Variants in PIEZO2 observed in about 807,000 individuals in gnomAD.
PIEZO2 encodes piezo type mechanosensitive ion channel component 2.
A neutral mutation model predicts 337.3 loss-of-function variants in PIEZO2; 172 were observed. The observed-to-expected ratio is 0.51, with a 90% confidence interval of 0.45 to 0.58. PIEZO2 has a LOEUF of 0.58. PIEZO2 is among the 20% of genes least tolerant of loss of function. The pLI, the probability that PIEZO2 is intolerant of heterozygous loss-of-function variation, is 0.00. For missense variants in PIEZO2, 3,028 were observed against 3,391.3 expected (o/e 0.89, Z 2.66); for synonymous variants, 1,251 against 1,228.5 (o/e 1.02, Z -0.38).
At chr18:10,810,497 C>T (rs118079439) in intron 7 of PIEZO2, among the ~76,000 whole-genome samples, 2,615 of 152,262 alleles carry the variant, frequency 0.017, 34 homozygotes, top group Non-Finnish European at 0.027. Flanking sequence ...ATGTTCTCTA[C>T]GCCACCCTCC....
chr18:10,867,707 A>T (rs1489448025), intron 5 of PIEZO2, among the ~76,000 whole-genome samples: 3 of 152,218 alleles, frequency 2.0e-5, no homozygotes, highest in African/African-American at 7.2e-5. Flanking sequence ...AATTGTAAGC[A>T]TAGGATTATA....
intron 2 of PIEZO2, among the ~76,000 whole-genome samples, chr18:11,034,019 T>C (rs1358466396): frequency 6.6e-6 from 1 of 152,168 alleles, no homozygotes; most frequent in Admixed American, 6.5e-5. Flanking sequence ...CGACAGTCTT[T>C]AAAAGTCCAA....
intron 5 of PIEZO2, among the ~76,000 whole-genome samples, chr18:10,865,189 AC>A (rs2041973650): frequency 1.3e-5 from 2 of 152,206 alleles, no homozygotes; most frequent in African/African-American, 4.8e-5. Context: ...ATGTGGCCAA[AC>A]CATGCAGAGT....
chr18:10,812,920 C>A (rs150612395), intron 7 of PIEZO2, among the ~76,000 whole-genome samples: 7 of 152,196 alleles, frequency 4.6e-5, no homozygotes, highest in South Asian at 2.1e-4. Flanking sequence ...CTGAAAATAG[C>A]AGCACACTTA....
chr18:10,886,390 A>ATGTGTGTGTGTGTGTG (rs2042597345), intron 4 of PIEZO2, among the ~76,000 whole-genome samples: 1 of 53,676 alleles, frequency 1.9e-5, no homozygotes, highest in Non-Finnish European at 3.0e-5. Flanking sequence ...GTATATATAT[A>ATGTGTGTGTGTGTGTG]TATATATATA....
rs1174169495 is a variant in PIEZO2, at chr18:10,821,753, T to A, written c.918-14479A>T. Among the ~76,000 whole-genome samples the A allele has an allele frequency of 6.6e-6, 1 of 152,300 alleles. No homozygotes were observed. Among genetic ancestry groups the A allele is most frequent in the Middle Eastern group, 3.4e-3 (1 of 294 alleles). The stretch of plus-strand genomic sequence containing the variant: ...TCCCTGTCTCTCACCATTTACAACA[T>A]AGACCTCAGGTGAACATACATCCTC... On this transcript the variant is annotated intron_variant, in intron 7 of 55. Coordinates refer to ENST00000674853, the MANE Select transcript of PIEZO2 (RefSeq NM_001378183.1). The surrounding 1 kb of genome is among the most constrained non-coding windows in gnomAD (Gnocchi z 4.2).
chr18:11,068,749 G>T (rs1477296186), intron 1 of PIEZO2, among the ~76,000 whole-genome samples: 1 of 152,106 alleles, frequency 6.6e-6, no homozygotes, highest in Non-Finnish European at 1.5e-5. Context: ...CTATGAGTTG[G>T]TTTTTTGAAA....
chr18:11,068,054 T>C (rs1394929499), intron 1 of PIEZO2, among the ~76,000 whole-genome samples: 1 of 152,182 alleles, frequency 6.6e-6, no homozygotes, highest in Non-Finnish European at 1.5e-5. Flanking sequence ...CCCGAGTAAC[T>C]GGGACTGCAG....
In PIEZO2 at chr18:11,097,375, C is replaced by G. The variant is rs1284580643; in HGVS notation, c.65-31153G>C. ...CAATGGCAAAGTCTCACGACTGCAA[C>G]AGAGCCGGCGTGCTGTGCAACGCCT... is the stretch of plus-strand genomic sequence containing the variant. On this transcript the variant is annotated intron_variant, in intron 1 of 55. Coordinates refer to ENST00000674853, the MANE Select transcript of PIEZO2 (RefSeq NM_001378183.1). This position sits in a 1 kb window ranked among gnomAD's most constrained non-coding sequence, Gnocchi z 5.0. Among the ~76,000 whole-genome samples, 4 of 152,208 alleles carry G rather than the reference C, an allele frequency of 2.6e-5. No homozygotes were observed. The highest frequency in any genetic ancestry group is 9.6e-5 in the African/African-American group (4 of 41,464).
intron 29 of PIEZO2, among the ~76,000 whole-genome samples, chr18:10,749,129 C>T (rs2037543729): frequency 1.3e-5 from 2 of 151,878 alleles, no homozygotes; most frequent in African/African-American, 4.8e-5. Flanking sequence ...CAAAATATAG[C>T]CTGAAATAGA....
Position 10,929,409 on chromosome 18 carries a change from C to G in PIEZO2, c.287-18181G>C, listed in dbSNP as rs2031951044. On this transcript the variant is annotated intron_variant, in intron 3 of 55. Coordinates refer to ENST00000674853, the MANE Select transcript of PIEZO2 (RefSeq NM_001378183.1). This position sits in a 1 kb window ranked among gnomAD's most constrained non-coding sequence, Gnocchi z 5.6. ...CAAAGAAACTCCGAATTATTTTGAT[C>G]AGATTCAGACATGTTTTCCCATATC... Among the ~76,000 whole-genome samples the G allele has an allele frequency of 6.6e-6, 1 of 152,220 alleles. No homozygotes were observed. Among genetic ancestry groups the G allele is most frequent in the Non-Finnish European group, 1.5e-5 (1 of 68,044 alleles).
chr18:10,971,731 TTTA>T (rs1167906967), intron 3 of PIEZO2, among the ~76,000 whole-genome samples: 1 of 152,188 alleles, frequency 6.6e-6, no homozygotes, highest in Non-Finnish European at 1.5e-5. Context: ...GCCTCCAAAA[TTTA>T]TGTATCCTAA....
chr18:11,057,414 G>T (rs528416638), intron 2 of PIEZO2, among the ~76,000 whole-genome samples: 1 of 152,292 alleles, frequency 6.6e-6, no homozygotes, highest in East Asian at 1.9e-4. Flanking sequence ...TAAAAGCCCA[G>T]ATTTCTAAAA....
At chr18:10,890,568 G>C (rs2042726252) in intron 4 of PIEZO2, 1 of 152,238 alleles carries the variant, frequency 6.6e-6, no homozygotes, top group African/African-American at 2.4e-5. Flanking sequence ...GAGGCAGCAA[G>C]AGACGTGCAG....
intron 21 of PIEZO2, among the ~76,000 whole-genome samples, chr18:10,765,092 G>C (rs544638978): frequency 4.6e-5 from 7 of 152,210 alleles, no homozygotes; most frequent in Non-Finnish European, 8.8e-5. Context: ...TCTTAACTAG[G>C]TTCAAGGTGA....
At chr18:11,090,075 A>G (rs1022817622) in intron 1 of PIEZO2, among the ~76,000 whole-genome samples, 2 of 152,140 alleles carry the variant, frequency 1.3e-5, no homozygotes, top group African/African-American at 2.4e-5. Context: ...AAGCCTGACA[A>G]CCCGGATGCT....
Position 10,972,889 on chromosome 18 carries a change from G to C in PIEZO2, c.286+6646C>G, listed in dbSNP as rs141523191. Among the ~76,000 whole-genome samples the C allele has an allele frequency of 1.1e-3, 167 of 152,246 alleles. 1 individual carries two copies. The highest frequency in any genetic ancestry group is 5.9e-3 in the Admixed American group (90 of 15,302). ...TACAATGGGTCAAGCACAGTCCCAA[G>C]GGCATGGCCTATATTAACTCGAACC... On this transcript the variant is annotated intron_variant, in intron 3 of 55. Coordinates refer to ENST00000674853, the MANE Select transcript of PIEZO2 (RefSeq NM_001378183.1).
chr18:11,018,966 AGT>A (rs1300737583), intron 2 of PIEZO2, among the ~76,000 whole-genome samples: 2 of 151,322 alleles, frequency 1.3e-5, no homozygotes, highest in Non-Finnish European at 3.0e-5. Context: ...GTGTTTCGTG[AGT>A]GTGTGTGTGA....
rs2034601669 is a variant in PIEZO2, at chr18:10,979,945, C to A, written c.161-285G>T. Among the ~76,000 whole-genome samples, 1 of 152,006 alleles carries A rather than the reference C, an allele frequency of 6.6e-6. No homozygotes were observed. Among genetic ancestry groups the A allele is most frequent in the African/African-American group, 2.4e-5 (1 of 41,388 alleles). On this transcript the variant is annotated intron_variant, in intron 2 of 55. Transcript: ENST00000674853. The surrounding 1 kb of genome is among the most constrained non-coding windows in gnomAD (Gnocchi z 4.0). ...GTGGAACTACAAAAAGGTCCTGGAC[C>A]AAAACATTTTACAAGGAAGTGCTGC...
Sources: allele counts gnomAD v4.1 joint callset (sites outside exome capture counted in the v4.1 genomes callset), GRCh38; gene constraint gnomAD v4.1.1; non-coding constraint Gnocchi (gnomAD v3.1); transcripts MANE v1.5; gene names NCBI Gene and HGNC (gene_info 2026-07-23, HGNC 2026-07-21).